The following CCDC149 variants were observed in gnomAD, a reference collection of about 807,000 sequenced individuals.
CCDC149 encodes the protein coiled-coil domain-containing protein 149.
In CCDC149, 45 loss-of-function variants were observed where a neutral mutation model predicts 59.9. That is an observed-to-expected ratio of 0.75 (90% CI 0.59 to 0.96). The LOEUF is 0.96. CCDC149 is among the 40% of genes least tolerant of loss of function. The pLI, the probability that CCDC149 is intolerant of heterozygous loss-of-function variation, is 0.00. For missense variants in CCDC149, 584 were observed against 664.7 expected, an observed-to-expected ratio of 0.88 and a Z score of 1.33; for synonymous variants, 245 against 260.6, an observed-to-expected ratio of 0.94 and a Z score of 0.58.
chr4:24,956,322 G>A (rs1420053607), intron 1 of CCDC149, among the ~76,000 whole-genome samples: 1 of 152,034 alleles, frequency 6.6e-6, no homozygotes, highest in Non-Finnish European at 1.5e-5. Flanking sequence ...ATTAACATAT[G>A]TAAAGACTTT....
rs774482322 is a variant in CCDC149, at chr4:24,853,039, GCAGAGC to G, written c.372+27_372+32del. 1.1e-4 allele frequency: 145 copies of G among 1,360,686 alleles called. 1 individual carries two copies. The highest frequency in any genetic ancestry group is 4.1e-4 in the South Asian group (35 of 84,988). The allele number at this position is 1,360,686 out of a possible 1,614,324, so 84.3% of individuals were successfully genotyped here. A position where few individuals can be genotyped will look rare whatever the true frequency, so the allele number is the denominator to read the frequency against. On this transcript the variant is annotated intron_variant, in intron 4 of 12. Transcript: ENST00000635206. The stretch of plus-strand genomic sequence containing the variant: ...TAAACCTCGAACGCACAATGTTGCA[GCAGAGC>G]TTCTTCCCTGTAAATACTCACAGTA...
chr4:24,831,304 C>T, intron 9 of CCDC149: 4 of 578,574 alleles, frequency 6.9e-6, no homozygotes, highest in Non-Finnish European at 1.2e-5. Context: ...GGCTGGTACC[C>T]TTTCCTTGCT....
chr4:24,836,496 C>G lies in CCDC149; in HGVS notation c.675G>C (p.Glu225Asp). The G allele has an allele frequency of 1.2e-6, 2 of 1,609,446 alleles. No individual in the cohort carries two copies. Among genetic ancestry groups the G allele is most frequent in the Non-Finnish European group, 1.7e-6 (2 of 1,176,226 alleles). Reference sequence around the variant, plus strand: ...CCTCTTCATGGAGTTGCTTTAATCTCTCTTGAAGGTACCTGAAAAAGAATA... The same window carrying G: ...CCTCTTCATGGAGTTGCTTTAATCTGTCTTGAAGGTACCTGAAAAAGAATA... Residue 225 changes from glutamate to aspartate, a missense_variant, in exon 7 of 13, where the codon GAG (glutamate) becomes GAC (aspartate). Glu to Asp is a conservative substitution (Grantham distance 45). Transcript: ENST00000635206.
intron 9 of CCDC149, 150 bp downstream of exon 9, chr4:24,831,356 C>G (rs979151823): frequency 2.7e-6 from 2 of 731,260 alleles, no homozygotes; most frequent in African/African-American, 3.6e-5. Flanking sequence ...AAAGCAGAAG[C>G]ACCATTCTAG....
chr4:24,813,524 A>ATATATG (rs1714802739), intron 12 of CCDC149, among the ~76,000 whole-genome samples: 1 of 126,640 alleles, frequency 7.9e-6, no homozygotes, highest in African/African-American at 3.3e-5. Context: ...ATATATATAT[A>ATATATG]TATAAAACCT....
chr4:24,905,148 C>A (rs4481226), intron 1 of CCDC149, among the ~76,000 whole-genome samples: 1 of 151,756 alleles, frequency 6.6e-6, no homozygotes, highest in East Asian at 1.9e-4. Context: ...GATCCACCGC[C>A]GTGGCCTCCC....
chr4:24,874,244 G>GTTT lies in CCDC149; in HGVS notation c.226-528_226-526dup, dbSNP rs5856868. Among the ~76,000 whole-genome samples, 22 of 87,478 alleles carry GTTT rather than the reference G, an allele frequency of 2.5e-4. 1 individual carries two copies. The highest frequency in any genetic ancestry group is 5.8e-4 in the African/African-American group (10 of 17,168). The allele number at this position is 87,478 out of a possible 152,430, so 57.4% of individuals were successfully genotyped here. On this transcript the variant is annotated intron_variant, in intron 2 of 12. Coordinates refer to ENST00000635206, the MANE Select transcript of CCDC149 (RefSeq NM_001330643.2). ...GAGAACTTCTAGTCCTATTAGATTT[G>GTTT]TTTTTTTTTTTTTTTGTTTTGTTTT...
intron 12 of CCDC149, among the ~76,000 whole-genome samples, chr4:24,810,617 T>C (rs1007831524): frequency 6.6e-6 from 1 of 152,226 alleles, no homozygotes; most frequent in Non-Finnish European, 1.5e-5. Flanking sequence ...TTTACCCATG[T>C]TTATGAGTAC....
chr4:24,824,424 CACAA>C (rs1215775042), intron 9 of CCDC149, among the ~76,000 whole-genome samples: 6 of 152,332 alleles, frequency 3.9e-5, no homozygotes, highest in East Asian at 1.9e-4. Flanking sequence ...TTACTGTTAA[CACAA>C]ACAGTCAACT....
intron 1 of CCDC149, among the ~76,000 whole-genome samples, chr4:24,897,682 G>C (rs4697492): frequency 0.19 from 28,160 of 152,180 alleles, 2,760 homozygotes; most frequent in South Asian, 0.28. Context: ...GCAGCCAGCA[G>C]ATGCTCTGAA....
chr4:24,918,812 G>T (rs1285624055), intron 1 of CCDC149, among the ~76,000 whole-genome samples: 1 of 152,158 alleles, frequency 6.6e-6, no homozygotes, highest in Non-Finnish European at 1.5e-5. Context: ...GTGTATTGGG[G>T]CAACTGTTTC....
At chr4:24,963,529 T>C (rs1723708836) in intron 1 of CCDC149, among the ~76,000 whole-genome samples, 1 of 152,184 alleles carries the variant, frequency 6.6e-6, no homozygotes, top group African/African-American at 2.4e-5. Flanking sequence ...AGCAAGGTAG[T>C]TGACACTCTA....
At chr4:24,897,954 G>C (rs115116783) in intron 1 of CCDC149, among the ~76,000 whole-genome samples, 1 of 152,318 alleles carries the variant, frequency 6.6e-6, no homozygotes, top group African/African-American at 2.4e-5. Context: ...CACCAGGTTG[G>C]AGCAAATTAG....
At chr4:24,835,115 GC>G in intron 7 of CCDC149, 83 bp from the exon 8 acceptor site, 1 of 890,058 alleles carries the variant, frequency 1.1e-6, no homozygotes, top group Non-Finnish European at 1.8e-6. Flanking sequence ...TCTCTCATCG[GC>G]CCACAAGAAC....
intron 1 of CCDC149, among the ~76,000 whole-genome samples, chr4:24,928,058 C>T (rs996364352): frequency 1.4e-4 from 22 of 152,164 alleles, no homozygotes; most frequent in South Asian, 2.1e-4. Context: ...ATACATTGTT[C>T]GCTGTGATTG....
intron 12 of CCDC149, among the ~76,000 whole-genome samples, chr4:24,817,549 A>G (rs1715093767): frequency 6.6e-6 from 1 of 151,660 alleles, no homozygotes; most frequent in South Asian, 2.1e-4. Context: ...TTACCCAGTG[A>G]TAAGAAGTGG....
At chr4:24,967,593 A>G (rs1276481428) in intron 1 of CCDC149, among the ~76,000 whole-genome samples, 1 of 151,274 alleles carries the variant, frequency 6.6e-6, no homozygotes. Flanking sequence ...TGGGATGGGC[A>G]ACGATGGACT....
At chr4:24,848,107 C>T (rs1229966174) in intron 4 of CCDC149, among the ~76,000 whole-genome samples, 5 of 151,954 alleles carry the variant, frequency 3.3e-5, no homozygotes, top group Admixed American at 6.6e-5. Context: ...GATGAAATCT[C>T]GTGTCCCAGT....
At chr4:24,827,174 T>A (rs760727277) in intron 9 of CCDC149, 4 of 152,178 alleles carry the variant, frequency 2.6e-5, no homozygotes, top group Non-Finnish European at 5.9e-5. Flanking sequence ...GGAACTGCAC[T>A]ACCGTGCTCG....
Sources: allele counts gnomAD v4.1 joint callset (sites outside exome capture counted in the v4.1 genomes callset), GRCh38; gene constraint gnomAD v4.1.1; transcripts MANE v1.5; gene names NCBI Gene and HGNC (gene_info 2026-07-23, HGNC 2026-07-21).